Variants in SBF2 observed in about 807,000 individuals in gnomAD.
SBF2 encodes the protein SET binding factor 2.
Under a neutral mutation model 225.2 loss-of-function variants are expected in SBF2, and 112 were observed. The ratio of observed to expected loss-of-function variants is 0.50; its 90% CI spans 0.43 to 0.58. SBF2 has a LOEUF of 0.58. SBF2 is among the 20% of genes least tolerant of loss of function. The pLI is 0.00. For synonymous variants in SBF2, 763 were observed against 773.3 expected (o/e 0.99, Z 0.22); for missense variants, 1,996 against 2,206.2 (o/e 0.90, Z 1.91).
chr11:10,165,531 C>T (rs879452363), intron 2 of SBF2, among the ~76,000 whole-genome samples: 2 of 152,192 alleles, frequency 1.3e-5, no homozygotes, highest in East Asian at 1.9e-4. Context: ...AAAGATTTGC[C>T]GAAGTTGAAT....
At chr11:10,020,713 A>G (rs1948821838) in intron 6 of SBF2, among the ~76,000 whole-genome samples, 1 of 152,148 alleles carries the variant, frequency 6.6e-6, no homozygotes, top group East Asian at 1.9e-4. Flanking sequence ...TTCAAAAATA[A>G]TCACATAGTA....
At chr11:10,084,438 G>A (rs990960639) in intron 2 of SBF2, among the ~76,000 whole-genome samples, 5 of 152,110 alleles carry the variant, frequency 3.3e-5, no homozygotes, top group African/African-American at 1.2e-4. Flanking sequence ...AACAGATGTT[G>A]GTGAGGATAC....
At position 10,294,040 on chromosome 11, in the gene SBF2, C is replaced by T. The variant is rs1398535918; in HGVS notation, c.30G>A (p.Val10=). The T allele has an allele frequency of 9.3e-6, 13 of 1,404,204 alleles. No individual in the cohort carries two copies. The highest frequency in any genetic ancestry group is 2.5e-4 in the Middle Eastern group (1 of 3,984). 87.0% of individuals were successfully genotyped at this position (1,404,204 alleles called of 1,614,324 possible). A position where few individuals can be genotyped will look rare whatever the true frequency, so the allele number is the denominator to read the frequency against. ...CTGGCTTCTCGTGGTCATAGCCTAC[C>T]ACGATGAAGTAGTCAGCCAGCCGGG... MARLADYFI[V]VGYDHEKPGS... is the part of the protein sequence containing the mutation. Residue 10 remains valine, a synonymous_variant, in exon 1 of 40, where the codon GTG becomes GTA. Transcript: ENST00000256190.
chr11:10,196,866 A>ATATATATATATATATATATATATTTTTT, intron 1 of SBF2, among the ~76,000 whole-genome samples: 8 of 99,294 alleles, frequency 8.1e-5, no homozygotes, highest in Non-Finnish European at 5.9e-5. Context: ...ATATATATAT[A>ATATATATATATATATATATATATTTTTT]TTTTTTTTTT....
At chr11:10,140,235 G>A (rs1954575519) in intron 2 of SBF2, among the ~76,000 whole-genome samples, 1 of 152,114 alleles carries the variant, frequency 6.6e-6, no homozygotes, top group African/African-American at 2.4e-5. Flanking sequence ...GAGATACATG[G>A]TGGCTAAAGT....
At chr11:10,145,958 T>G (rs774150411) in intron 2 of SBF2, among the ~76,000 whole-genome samples, 1 of 152,088 alleles carries the variant, frequency 6.6e-6, no homozygotes, top group African/African-American at 2.4e-5. Flanking sequence ...AAATCAGGAA[T>G]GCAGTTCCAT....
chr11:9,945,616 T>C (rs542675589), intron 16 of SBF2, among the ~76,000 whole-genome samples: 13 of 152,134 alleles, frequency 8.5e-5, no homozygotes, highest in African/African-American at 2.9e-4. Context: ...ATAAACAGCT[T>C]TGGCACAGCA....
At chr11:9,959,611 A>G in intron 16 of SBF2, 1 of 763,624 alleles carries the variant, frequency 1.3e-6, no homozygotes, top group Non-Finnish European at 2.5e-6. Flanking sequence ...AAAGTACTAG[A>G]GCCACCAAAA....
intron 1 of SBF2, among the ~76,000 whole-genome samples, chr11:10,257,871 T>C (rs1280819545): frequency 6.6e-6 from 1 of 150,684 alleles, no homozygotes; most frequent in Non-Finnish European, 1.5e-5. Context: ...GCAGGAGGAC[T>C]GCTTGAGCCC....
At position 9,782,869 on chromosome 11, in the gene SBF2, CAAAA is replaced by C. The variant is rs1852111267; in HGVS notation, c.5320-1235_5320-1232del. 7.0e-5 allele frequency among the ~76,000 whole-genome samples: 6 copies of C among 85,692 alleles called. 1 individual carries two copies. In the South Asian group the frequency reaches 2.6e-3, roughly 37 times the overall value. The allele number at this position is 85,692 out of a possible 152,430, so 56.2% of individuals were successfully genotyped here. Reference sequence around the variant, plus strand: ...TGGGTGACAAAGCGAGACTCTGTCTCAAAAGAAAAAAAAAAAAAAAGAAAAAAGG... The same window carrying C: ...TGGGTGACAAAGCGAGACTCTGTCTCGAAAAAAAAAAAAAAAGAAAAAAGG... On this transcript the variant is annotated intron_variant, in intron 38 of 39. Transcript: ENST00000256190.
chr11:10,296,489 C>T (rs539433605), upstream of SBF2, among the ~76,000 whole-genome samples: 1 of 152,134 alleles, frequency 6.6e-6, no homozygotes, highest in Non-Finnish European at 1.5e-5. Context: ...AGGAGAAAGA[C>T]CCGCCCCCAT....
At chr11:10,112,882 A>G (rs150960201) in intron 2 of SBF2, among the ~76,000 whole-genome samples, 17 of 152,372 alleles carry the variant, frequency 1.1e-4, no homozygotes, top group African/African-American at 4.1e-4. Context: ...ATGTGTACTT[A>G]TCATGAAGAA....
At chr11:9,853,216 C>T (rs540071272) in intron 20 of SBF2, among the ~76,000 whole-genome samples, 3 of 152,188 alleles carry the variant, frequency 2.0e-5, no homozygotes, top group South Asian at 2.1e-4. Flanking sequence ...TTTATAGAGA[C>T]AGAAAATACA....
chr11:10,090,764 CAAAA>C (rs201577494), intron 2 of SBF2, among the ~76,000 whole-genome samples: 31 of 44,416 alleles, frequency 7.0e-4, no homozygotes, highest in African/African-American at 1.8e-3. Context: ...GATTCCATCT[CAAAA>C]AAAAAAAAAA....
chr11:10,117,862 T>C (rs914883538), intron 2 of SBF2, among the ~76,000 whole-genome samples: 2 of 152,138 alleles, frequency 1.3e-5, no homozygotes, highest in African/African-American at 4.8e-5. Flanking sequence ...AAGGAATTAA[T>C]ACTGTTCAGT....
chr11:10,252,371 C>T (rs1421549011), intron 1 of SBF2, among the ~76,000 whole-genome samples: 1 of 152,200 alleles, frequency 6.6e-6, no homozygotes, highest in African/African-American at 2.4e-5. Flanking sequence ...GGACGAACTG[C>T]AACCTAGCTT....
intron 17 of SBF2, among the ~76,000 whole-genome samples, chr11:9,859,256 C>T (rs1453684245): frequency 2.0e-5 from 3 of 152,174 alleles, no homozygotes; most frequent in Non-Finnish European, 2.9e-5. Context: ...GCCAAATTAA[C>T]TGCCAATTAG....
rs904158743 is a variant in SBF2, at chr11:10,193,762, G to C, written c.141+140C>G. 4 of 697,252 alleles carry C rather than the reference G, an allele frequency of 5.7e-6. No individual in the cohort carries two copies. The African/African-American group carries it at 7.1e-5, about 12-fold the overall frequency. 43.2% of individuals were successfully genotyped at this position (697,252 alleles called of 1,614,324 possible). The stretch of plus-strand genomic sequence containing the variant: ...CCGTACTTGAGGGACTAGGAGGGAA[G>C]ATAACTATTTCTAGTACTGTAATAT... On this transcript the variant is annotated intron_variant, in intron 2 of 39. Coordinates refer to ENST00000256190, the MANE Select transcript of SBF2 (RefSeq NM_030962.4).
chr11:10,263,266 A>G (rs1279614987), intron 1 of SBF2, among the ~76,000 whole-genome samples: 2 of 152,092 alleles, frequency 1.3e-5, no homozygotes, highest in Non-Finnish European at 2.9e-5. Context: ...TTTTAATAAT[A>G]ATTACACATT....
Sources: gnomAD v4.1 joint callset for allele counts (sites outside exome capture counted in the v4.1 genomes callset) on GRCh38, gnomAD v4.1.1 for gene constraint, MANE v1.5 for transcripts, NCBI Gene and HGNC (gene_info 2026-07-23, HGNC 2026-07-21) for gene names.